Variants in YAE1 observed in about 807,000 individuals in gnomAD.
YAE1 encodes the protein protein YAE1 homolog.
YAE1 carries 22 observed loss-of-function variants against 23.0 expected under a neutral mutation model. That is an observed-to-expected ratio of 0.96 (90% CI 0.68 to 1.37). YAE1 has a LOEUF of 1.37. YAE1 is among the 40% of genes most tolerant of loss of function. The pLI is 0.00. For synonymous variants in YAE1, 101 were observed against 97.0 expected (o/e 1.04, Z -0.24); for missense variants, 260 against 262.1 (o/e 0.99, Z 0.06).
At chr7:39,585,271 C>CA (rs1221872705) in intron 2 of YAE1, among the ~76,000 whole-genome samples, 13 of 152,178 alleles carry the variant, frequency 8.5e-5, no homozygotes, top group South Asian at 4.1e-4. Flanking sequence ...TGTGTCCTCT[C>CA]AAAATCCATG....
At chr7:39,572,070 C>T (rs534931263) in intron 2 of YAE1, among the ~76,000 whole-genome samples, 1 of 151,988 alleles carries the variant, frequency 6.6e-6, no homozygotes, top group East Asian at 1.9e-4. Context: ...TTTTCTTTCT[C>T]GGAGTTGTAT....
chr7:39,606,224 A>G (rs1053299952), intron 2 of YAE1, among the ~76,000 whole-genome samples: 3 of 152,204 alleles, frequency 2.0e-5, no homozygotes, highest in African/African-American at 4.8e-5. Flanking sequence ...TCAGAAGTAG[A>G]ATAGAAGGAA....
At chr7:39,583,627 A>G (rs1790776050) in intron 2 of YAE1, among the ~76,000 whole-genome samples, 1 of 152,244 alleles carries the variant, frequency 6.6e-6, no homozygotes, top group East Asian at 1.9e-4. Flanking sequence ...ATTATTTTGT[A>G]CATGTTAATA....
chr7:39,604,109 T>G (rs955083049), intron 2 of YAE1, among the ~76,000 whole-genome samples: 4 of 152,236 alleles, frequency 2.6e-5, no homozygotes, highest in African/African-American at 9.6e-5. Context: ...ACATCAAGGA[T>G]GCAGATTCTT....
At position 39,609,751 on chromosome 7, in the gene YAE1, AG is replaced by A; in HGVS notation, c.387del (p.Glu129AspfsTer7). 2 of 1,535,134 alleles carry A rather than the reference AG, an allele frequency of 1.3e-6. No individual in the cohort carries two copies. Among genetic ancestry groups the A allele is most frequent in the Non-Finnish European group, 1.7e-6 (2 of 1,146,556 alleles). On this transcript the variant is annotated frameshift_variant, in exon 3 of 3. Transcript: ENST00000432096. LOFTEE classifies it low-confidence loss of function (END_TRUNC). ...GGGGCGACACCGAAGCAGCCCACGG[AG>A]CTCGAGGCGACGCTGCTGAGCCTGG...
intron 2 of YAE1, among the ~76,000 whole-genome samples, chr7:39,600,599 G>A (rs1305251587): frequency 1.3e-5 from 2 of 152,084 alleles, no homozygotes; most frequent in African/African-American, 2.4e-5. Context: ...GTTTCGCCAT[G>A]TTGGTCAGGC....
At chr7:39,572,088 C>T (rs1361554822) in intron 2 of YAE1, among the ~76,000 whole-genome samples, 189 bp from the exon 3 acceptor site, 1 of 151,932 alleles carries the variant, frequency 6.6e-6, no homozygotes, top group Non-Finnish European at 1.5e-5. Context: ...TATTCATCTT[C>T]AACAGATATT....
intron 2 of YAE1, among the ~76,000 whole-genome samples, chr7:39,597,419 T>A (rs1790991906): frequency 6.6e-6 from 1 of 152,090 alleles, no homozygotes. Context: ...AAAAAAAATT[T>A]TTTTAAGAGG....
intron 2 of YAE1, among the ~76,000 whole-genome samples, chr7:39,595,144 A>G (rs1158590866): frequency 6.6e-6 from 1 of 151,988 alleles, no homozygotes; most frequent in African/African-American, 2.4e-5. Flanking sequence ...CAGAACCTCC[A>G]CACTAATAGG....
At chr7:39,576,501 A>G (rs184559854), downstream of YAE1, among the ~76,000 whole-genome samples, 127 of 152,304 alleles carry the variant, frequency 8.3e-4, 1 homozygote, top group African/African-American at 3.0e-3. Context: ...AGGCATTACT[A>G]CAATGCTTTA....
intron 2 of YAE1, among the ~76,000 whole-genome samples, chr7:39,585,581 C>T (rs181381529): frequency 4.6e-5 from 7 of 152,320 alleles, no homozygotes; most frequent in South Asian, 2.1e-4. Flanking sequence ...TGTGGTACCT[C>T]GTTATTGCAG....
chr7:39,610,945 C>T (rs1055583453), downstream of YAE1, among the ~76,000 whole-genome samples: 1 of 151,960 alleles, frequency 6.6e-6, no homozygotes. Context: ...GAGGAGAGTT[C>T]GTGATCAGCC....
intron 2 of YAE1, among the ~76,000 whole-genome samples, chr7:39,603,044 A>G (rs1791075795): frequency 6.6e-6 from 1 of 152,164 alleles, no homozygotes; most frequent in African/African-American, 2.4e-5. Flanking sequence ...CCACTGTGCT[A>G]GGTCTAAATT....
chr7:39,597,686 G>A (rs777898239), intron 2 of YAE1, among the ~76,000 whole-genome samples: 1 of 152,136 alleles, frequency 6.6e-6, no homozygotes, highest in Non-Finnish European at 1.5e-5. Flanking sequence ...TAATAGTAGC[G>A]GTAGTGGTGG....
At chr7:39,576,305 C>A (rs1489222246), downstream of YAE1, among the ~76,000 whole-genome samples, 1 of 152,178 alleles carries the variant, frequency 6.6e-6, no homozygotes, top group Non-Finnish European at 1.5e-5. Context: ...CTGTCTCTTA[C>A]CAATATTATC....
chr7:39,574,730 C>G (rs973842658), downstream of YAE1, among the ~76,000 whole-genome samples: 3 of 118,620 alleles, frequency 2.5e-5, no homozygotes, highest in African/African-American at 3.7e-5. Context: ...AAGACTCTGT[C>G]TCCAAAAAAA....
At chr7:39,570,177 C>T (rs949778928) in intron 1 of YAE1, 2 of 708,756 alleles carry the variant, frequency 2.8e-6, no homozygotes, top group Non-Finnish European at 4.8e-6. Context: ...AGCGGAACTG[C>T]AAGACTCCTG....
At chr7:39,566,791 A>ATG in intron 1 of YAE1, 1 of 421,880 alleles carries the variant, frequency 2.4e-6, no homozygotes, top group South Asian at 2.5e-5. Flanking sequence ...AAAATTAACT[A>ATG]TGTGTAGACT....
intron 2 of YAE1, among the ~76,000 whole-genome samples, chr7:39,580,809 A>C (rs1790730956): frequency 6.6e-6 from 1 of 152,216 alleles, no homozygotes; most frequent in Non-Finnish European, 1.5e-5. Context: ...GTTCTTGTTT[A>C]AATTCTAGGC....
Sources: allele counts gnomAD v4.1 joint callset (sites outside exome capture counted in the v4.1 genomes callset), GRCh38; gene constraint gnomAD v4.1.1; transcripts MANE v1.5; gene names NCBI Gene and HGNC (gene_info 2026-07-23, HGNC 2026-07-21).